Variants in TBC1D31 observed in about 807,000 individuals in gnomAD.
TBC1D31 encodes TBC1 domain family member 31.
A neutral mutation model predicts 132.9 loss-of-function variants in TBC1D31; 99 were observed. The ratio of observed to expected loss-of-function variants is 0.74; its 90% CI spans 0.63 to 0.88. The LOEUF (loss-of-function observed/expected upper bound fraction) is 0.88. Ranked by LOEUF, TBC1D31 falls within the 40% of genes least tolerant of loss-of-function variation. TBC1D31 has a pLI of 0.00. For synonymous variants in TBC1D31, 385 were observed against 419.4 expected, an observed-to-expected ratio of 0.92 and a Z score of 1.00; for missense variants, 1,134 against 1,256.6, an observed-to-expected ratio of 0.90 and a Z score of 1.48.
In TBC1D31 at chr8:123,130,284, A is replaced by T. The variant is rs936104872; in HGVS notation, c.2357A>T (p.Asp786Val). 6.2e-7 allele frequency: 1 copy of T among 1,613,168 alleles called. No individual in the cohort carries two copies. Among genetic ancestry groups the T allele is most frequent in the Non-Finnish European group, 8.5e-7 (1 of 1,179,490 alleles). The change falls in exon 16 of 22, where the codon GAT becomes GTT. Residue 786 changes from aspartate to valine, a missense_variant. By Grantham distance (152) the Asp-to-Val change is radical. Coordinates refer to ENST00000287380, the MANE Select transcript of TBC1D31 (RefSeq NM_145647.4). ...AGGCGTTTTCTGAAGCTTCAGCAAG[A>T]TCAACAGGAAATGGAACTAAGAAGA... is the stretch of plus-strand genomic sequence containing the variant. ...ARRRFLKLQQ[D>V]QQEMELRRLD... is the part of the protein sequence containing the mutation.
downstream of TBC1D31, among the ~76,000 whole-genome samples, chr8:123,157,135 GAT>G (rs1195278982): frequency 6.6e-6 from 1 of 152,084 alleles, no homozygotes; most frequent in Non-Finnish European, 1.5e-5. Flanking sequence ...ACTCGTCGCA[GAT>G]ATGTCTTTTC....
downstream of TBC1D31, among the ~76,000 whole-genome samples, chr8:123,154,611 A>G (rs991874878): frequency 2.0e-5 from 3 of 152,232 alleles, no homozygotes; most frequent in Non-Finnish European, 4.4e-5. Flanking sequence ...GAGAGCCACA[A>G]GAAACCACCC....
intron 7 of TBC1D31, chr8:123,102,240 T>C (rs1011626905): frequency 4.4e-6 from 2 of 456,736 alleles, no homozygotes; most frequent in South Asian, 3.1e-5. Flanking sequence ...CCTTTCATTT[T>C]ACACAGGAAG....
Position 123,081,003 on chromosome 8 carries a change from G to A in TBC1D31, c.225-1699G>A, listed in dbSNP as rs368797379. ...CTTAAAAATCAGACTTGATCATAAAGCCCAGTATACTGGGCTCCCTAAAAA... is the reference window on the plus strand; with the variant it reads ...CTTAAAAATCAGACTTGATCATAAAACCCAGTATACTGGGCTCCCTAAAAA... On this transcript the variant is annotated intron_variant, in intron 2 of 21. Coordinates refer to ENST00000287380, the MANE Select transcript of TBC1D31 (RefSeq NM_145647.4). Among the ~76,000 whole-genome samples, 33 of 152,222 alleles carry A rather than the reference G, an allele frequency of 2.2e-4. No homozygotes were observed. The East Asian group carries it at 3.1e-3, about 14-fold the overall frequency.
At chr8:123,136,702 C>T (rs550500037) in intron 17 of TBC1D31, among the ~76,000 whole-genome samples, 18 of 152,226 alleles carry the variant, frequency 1.2e-4, no homozygotes, top group African/African-American at 3.6e-4. Flanking sequence ...CCGCCCGCCT[C>T]GGCCTCCCAA....
At chr8:123,128,643 A>G (rs1820325221) in intron 14 of TBC1D31, 130 bp downstream of exon 14, 10 of 670,394 alleles carry the variant, frequency 1.5e-5, no homozygotes, top group Non-Finnish European at 2.5e-5. Context: ...TTGGGAGGCC[A>G]AGGCAGGTAG....
intron 10 of TBC1D31, among the ~76,000 whole-genome samples, chr8:123,110,730 A>AAGT (rs60056717): frequency 0.31 from 47,524 of 151,680 alleles, 7,543 homozygotes; most frequent in African/African-American, 0.37. Flanking sequence ...TCTTTAACAT[A>AAGT]AGTACACTAT....
At chr8:123,081,864 C>T (rs962964218) in intron 2 of TBC1D31, among the ~76,000 whole-genome samples, 1 of 109,414 alleles carries the variant, frequency 9.1e-6, no homozygotes, top group African/African-American at 3.4e-5. Flanking sequence ...CAATTATCTC[C>T]CACTGGGCCC....
intron 10 of TBC1D31, among the ~76,000 whole-genome samples, chr8:123,111,034 A>T (rs975332770): frequency 1.3e-3 from 201 of 151,744 alleles, no homozygotes; most frequent in African/African-American, 4.7e-3. Context: ...ATGTTTCTCT[A>T]TCTCCTGAAT....
chr8:123,080,385 G>A (rs7842192), intron 2 of TBC1D31, among the ~76,000 whole-genome samples: 43,291 of 151,974 alleles, frequency 0.28, 6,407 homozygotes, highest in Non-Finnish European at 0.32. Flanking sequence ...TATTTTCAGG[G>A]TGATAAAGAT....
intron 12 of TBC1D31, 145 bp from the exon 13 acceptor site, chr8:123,126,363 A>C: frequency 8.7e-7 from 1 of 1,155,924 alleles, no homozygotes; most frequent in Non-Finnish European, 1.2e-6. Flanking sequence ...GTCTGTAAAG[A>C]AGGGTCCAAA....
At chr8:123,142,543 C>G in intron 19 of TBC1D31, 87 bp downstream of exon 19, 1 of 1,141,222 alleles carries the variant, frequency 8.8e-7, no homozygotes, top group Non-Finnish European at 1.2e-6. Flanking sequence ...TGTTGTACAG[C>G]CTCGAAATTC....
At chr8:123,080,529 C>CTTTT (rs57694076) in intron 2 of TBC1D31, among the ~76,000 whole-genome samples, 3 of 76,320 alleles carry the variant, frequency 3.9e-5, no homozygotes, top group African/African-American at 5.5e-5. Context: ...TTCTTTTATT[C>CTTTT]TTTTTTTTTT....
chr8:123,080,517 T>C (rs945614371), intron 2 of TBC1D31, among the ~76,000 whole-genome samples: 2 of 140,602 alleles, frequency 1.4e-5, no homozygotes, highest in Non-Finnish European at 3.1e-5. Context: ...TTTTCTTTTC[T>C]TTTCTTTTAT....
chr8:123,137,959 TCTTTTCC>T (rs1363339477), intron 17 of TBC1D31, among the ~76,000 whole-genome samples: 1 of 152,228 alleles, frequency 6.6e-6, no homozygotes, highest in African/African-American at 2.4e-5. Flanking sequence ...CTAGTTTCCC[TCTTTTCC>T]CTTTGGCCTA....
At chr8:123,162,008 A>G in the TBC1D31 span, among the ~76,000 whole-genome samples, 6 of 118,342 alleles carry the variant, frequency 5.1e-5, no homozygotes, top group Non-Finnish European at 1.0e-4. Context: ...ACAGCGTGAG[A>G]GTCCGACTCA....
the TBC1D31 span, among the ~76,000 whole-genome samples, chr8:123,159,497 A>C: frequency 6.6e-6 from 1 of 152,222 alleles, no homozygotes; most frequent in Non-Finnish European, 1.5e-5. Flanking sequence ...ATTTGCACAC[A>C]GAAAGCTAAG....
At chr8:123,131,092 G>A (rs955674852) in intron 16 of TBC1D31, among the ~76,000 whole-genome samples, 11 of 151,726 alleles carry the variant, frequency 7.2e-5, no homozygotes, top group South Asian at 2.1e-4. Flanking sequence ...GGCTGGGTGC[G>A]GTGGCTCATG....
At chr8:123,099,363 G>A (rs996449069) in intron 6 of TBC1D31, among the ~76,000 whole-genome samples, 6 of 152,020 alleles carry the variant, frequency 3.9e-5, no homozygotes, top group South Asian at 4.2e-4. Context: ...CTCGTGATCC[G>A]CCCGTGTCGG....
Sources: gnomAD v4.1 joint callset for allele counts (sites outside exome capture counted in the v4.1 genomes callset) on GRCh38, gnomAD v4.1.1 for gene constraint, MANE v1.5 for transcripts, NCBI Gene and HGNC (gene_info 2026-07-23, HGNC 2026-07-21) for gene names.